The following NUP210L variants were observed in gnomAD, a reference collection of about 807,000 sequenced individuals.
The protein encoded by NUP210L is nuclear pore membrane glycoprotein 210-like.
A neutral mutation model predicts 208.5 loss-of-function variants in NUP210L; 74 were observed. The observed-to-expected ratio is 0.35, with a 90% CI of 0.29 to 0.43. NUP210L has a LOEUF of 0.43. Among genes scored for constraint, NUP210L ranks in the 20% least tolerant of loss-of-function variants. The pLI is 1.00. For synonymous variants in NUP210L, 780 were observed against 816.9 expected, an observed-to-expected ratio of 0.95 and a Z score of 0.77; for missense variants, 1,843 against 2,289.4, an observed-to-expected ratio of 0.81 and a Z score of 3.98.
chr1:154,030,994 T>C (rs1652182315), intron 27 of NUP210L, among the ~76,000 whole-genome samples: 2 of 152,274 alleles, frequency 1.3e-5, no homozygotes, highest in South Asian at 2.1e-4. Context: ...GTGATCCTCC[T>C]GCCTCAGTCT....
intron 1 of NUP210L, 103 bp downstream of exon 1, chr1:154,154,739 G>A: frequency 2.2e-6 from 2 of 925,880 alleles, no homozygotes; most frequent in Non-Finnish European, 3.4e-6. Context: ...GCCCCTTCAC[G>A]CGGCCCCACA....
At chr1:154,058,295 C>CT (rs530681058) in intron 21 of NUP210L, 79 bp from the exon 22 acceptor site, 788 of 1,405,312 alleles carry the variant, frequency 5.6e-4, no homozygotes, top group Non-Finnish European at 6.5e-4. Context: ...GGGCAGTGTA[C>CT]TTTTTTTTTC....
intron 27 of NUP210L, among the ~76,000 whole-genome samples, chr1:154,033,053 G>A (rs1477076086): frequency 6.6e-6 from 1 of 151,066 alleles, no homozygotes; most frequent in African/African-American, 2.4e-5. Context: ...GGGAAGGAAG[G>A]AAATATCTAT....
chr1:154,055,128 TTTC>T (rs1373555485), intron 23 of NUP210L, among the ~76,000 whole-genome samples: 88 of 19,002 alleles, frequency 4.6e-3, no homozygotes, highest in Admixed American at 8.8e-3. Context: ...CTTTCTTTTC[TTTC>T]TTTCTTTCTT....
At chr1:154,154,917 T>C in exon 1 of NUP210L, 2 of 1,614,236 alleles carry the variant, frequency 1.2e-6, no homozygotes, top group Non-Finnish European at 8.5e-7. Context: ...TAGCAACACC[T>C]GTGGCACGTT....
At chr1:154,037,452 A>G (rs577581852) in intron 27 of NUP210L, among the ~76,000 whole-genome samples, 104 of 152,142 alleles carry the variant, frequency 6.8e-4, no homozygotes, top group Admixed American at 3.1e-3. Context: ...ATCTCTTTCT[A>G]TAGTTTTTGT....
chr1:153,994,986 T>G, intron 38 of NUP210L, 90 bp downstream of exon 38: 1 of 785,934 alleles, frequency 1.3e-6, no homozygotes, highest in South Asian at 1.7e-5. Context: ...CACTCCAGCG[T>G]GGGCGACAGA....
chr1:154,003,635 G>A (rs1650341523), intron 35 of NUP210L, among the ~76,000 whole-genome samples: 1 of 152,056 alleles, frequency 6.6e-6, no homozygotes, highest in South Asian at 2.1e-4. Flanking sequence ...TAGGGCTACA[G>A]GTGCGCGCCA....
At chr1:154,136,366 C>T (rs1571317074) in intron 6 of NUP210L, among the ~76,000 whole-genome samples, 1 of 151,982 alleles carries the variant, frequency 6.6e-6, no homozygotes, top group Non-Finnish European at 1.5e-5. Context: ...GCAGGAGAAT[C>T]GCTTGAACCT....
chr1:154,050,270 C>T (rs1042201074), intron 25 of NUP210L, among the ~76,000 whole-genome samples: 1 of 152,170 alleles, frequency 6.6e-6, no homozygotes, highest in African/African-American at 2.4e-5. Context: ...ATATGACCTG[C>T]TCTAGGCATT....
At chr1:154,084,688 G>T (rs1278578160) in intron 16 of NUP210L, among the ~76,000 whole-genome samples, 2 of 151,398 alleles carry the variant, frequency 1.3e-5, no homozygotes, top group Non-Finnish European at 2.9e-5. Context: ...GCCCAGGCTG[G>T]TCTCCAACTC....
chr1:154,128,078 G>C (rs1237832489), intron 8 of NUP210L, among the ~76,000 whole-genome samples: 1 of 151,730 alleles, frequency 6.6e-6, no homozygotes, highest in Admixed American at 6.6e-5. Context: ...TGCCCACACT[G>C]GTCTCGAACT....
chr1:154,005,409 C>G (rs1187006580), intron 35 of NUP210L, among the ~76,000 whole-genome samples: 1 of 149,138 alleles, frequency 6.7e-6, no homozygotes. Flanking sequence ...TTGTATTTTT[C>G]GTAGATTCGG....
intron 17 of NUP210L, among the ~76,000 whole-genome samples, chr1:154,069,073 G>A (rs1034241925): frequency 6.6e-6 from 1 of 152,090 alleles, no homozygotes; most frequent in African/African-American, 2.4e-5. Context: ...TTAAATGTTA[G>A]ACCTAAAACC....
In NUP210L at chr1:154,070,328, A is replaced by T; in HGVS notation, c.2499T>A (p.Tyr833Ter). 6.2e-7 allele frequency: 1 copy of T among 1,613,206 alleles called. No homozygotes were observed. Among genetic ancestry groups the T allele is most frequent in the Non-Finnish European group, 8.5e-7 (1 of 1,179,736 alleles). ...CTTTTGCTACCATTTCCACTGATTT[A>T]TAATCTTCGAAATGGGCTAGTGTTT... is the stretch of plus-strand genomic sequence containing the variant. Residue 833 changes from tyrosine to a stop codon, truncating the protein, a stop_gained, in exon 17 of 40, where the codon TAT becomes TAA. Coordinates refer to ENST00000368559, the Ensembl canonical transcript of NUP210L. LOFTEE classifies it high-confidence loss of function.
chr1:154,069,068 T>TGTTA (rs1654568534), intron 17 of NUP210L, among the ~76,000 whole-genome samples: 1 of 152,168 alleles, frequency 6.6e-6, no homozygotes, highest in Non-Finnish European at 1.5e-5. Flanking sequence ...AAGACTTAAA[T>TGTTA]GTTAGACCTA....
At chr1:154,153,309 CTTAT>C (rs1256035052) in intron 1 of NUP210L, among the ~76,000 whole-genome samples, 1 of 151,904 alleles carries the variant, frequency 6.6e-6, no homozygotes, top group African/African-American at 2.4e-5. Flanking sequence ...TATTTTTATT[CTTAT>C]TTATTATTAT....
Position 154,131,145 on chromosome 1 carries a change from G to A in NUP210L, c.1010-1800C>T, listed in dbSNP as rs555304340. On this transcript the variant is annotated intron_variant, in intron 7 of 39. Coordinates refer to ENST00000368559, the Ensembl canonical transcript of NUP210L. Reference sequence around the variant, plus strand: ...AAATTAGCCAGGCGTGGTGGCAGGCGCCTGTAGTCCCAGCTACTTGGGAGG... The same window carrying A: ...AAATTAGCCAGGCGTGGTGGCAGGCACCTGTAGTCCCAGCTACTTGGGAGG... Among the ~76,000 whole-genome samples the A allele has an allele frequency of 4.0e-3, 610 of 151,734 alleles. 3 individuals are homozygous for A. Among genetic ancestry groups the A allele is most frequent in the South Asian group, 0.021 (102 of 4,794 alleles).
exon 17 of NUP210L, chr1:154,070,284 G>A: frequency 6.3e-7 from 1 of 1,598,826 alleles, no homozygotes; most frequent in Non-Finnish European, 8.5e-7. Context: ...ATGTAACCGG[G>A]TCTGCCCACT....
Sources: allele counts gnomAD v4.1 joint callset (sites outside exome capture counted in the v4.1 genomes callset), GRCh38; gene constraint gnomAD v4.1.1; transcripts MANE v1.5; gene names NCBI Gene and HGNC (gene_info 2026-07-23, HGNC 2026-07-21).